The following DNAJC7 variants were observed in gnomAD, a reference collection of about 807,000 sequenced individuals.
DNAJC7 encodes the protein DnaJ heat shock protein family (Hsp40) member C7, also known as dnaJ homolog subfamily C member 7.
A neutral mutation model predicts 67.4 loss-of-function variants in DNAJC7; 18 were observed. The observed-to-expected ratio is 0.27, with a 90% CI of 0.18 to 0.40. The LOEUF is 0.40. Among genes scored for constraint, DNAJC7 ranks in the 10% least tolerant of loss-of-function variants. The pLI is 1.00. For missense variants in DNAJC7, 419 were observed against 613.8 expected, an observed-to-expected ratio of 0.68 and a Z score of 3.35; for synonymous variants, 220 against 207.8, an observed-to-expected ratio of 1.06 and a Z score of -0.50.
Position 41,982,372 on chromosome 17 carries a change from G to A in DNAJC7, c.1114C>T (p.Leu372=), listed in dbSNP as rs200877184. Residue 372 remains leucine (L), a synonymous_variant, in exon 11 of 14, where the codon CTG becomes TTG. Coordinates refer to ENST00000457167, the MANE Select transcript of DNAJC7 (RefSeq NM_003315.4). ...TTCCTCTTACTCTTCTTCAGTTCCA[G>A]CTGCGCATTTTTTAGGAGCTGTTTG... ...EHKQLLKNAQ[L]ELKKSKRKDY... 1.9e-6 allele frequency: 3 copies of A among 1,613,956 alleles called. No homozygotes were observed. Among genetic ancestry groups the A allele is most frequent in the Non-Finnish European group, 2.5e-6 (3 of 1,179,894 alleles).
chr17:42,006,307 C>T (rs2051952811), intron 1 of DNAJC7, among the ~76,000 whole-genome samples: 1 of 151,892 alleles, frequency 6.6e-6, no homozygotes, highest in African/African-American at 2.4e-5. Context: ...GCACACGCCA[C>T]CACGCCTGGC....
chr17:41,999,885 C>T (rs990543479), intron 2 of DNAJC7, among the ~76,000 whole-genome samples: 1 of 148,836 alleles, frequency 6.7e-6, no homozygotes, highest in Admixed American at 6.8e-5. Context: ...GTGGCACAAT[C>T]TTGGCTCACT....
chr17:41,994,865 T>A lies in DNAJC7; in HGVS notation c.480+5A>T. ...AGATGAGATTATCTCATGGTTGTAC[T>A]GTACCTTCCGAAAATCTCGCTTCTC... is the stretch of plus-strand genomic sequence containing the variant. On this transcript the variant is annotated splice_donor_5th_base_variant and intron_variant, in intron 5 of 13. Coordinates refer to ENST00000457167, the MANE Select transcript of DNAJC7 (RefSeq NM_003315.4). 6.2e-7 allele frequency: 1 copy of A among 1,613,734 alleles called. No individual in the cohort carries two copies. Among genetic ancestry groups the A allele is most frequent in the Non-Finnish European group, 8.5e-7 (1 of 1,179,664 alleles).
intron 1 of DNAJC7, among the ~76,000 whole-genome samples, chr17:42,008,080 AG>A (rs2143325019): frequency 6.6e-6 from 1 of 151,980 alleles, no homozygotes; most frequent in South Asian, 2.1e-4. Flanking sequence ...TGGGAGGCCA[AG>A]GAGGGTGGAT....
intron 12 of DNAJC7, among the ~76,000 whole-genome samples, chr17:41,979,256 T>C (rs1196778047): frequency 6.6e-6 from 1 of 150,786 alleles, no homozygotes; most frequent in African/African-American, 2.4e-5. Flanking sequence ...GGAGAATTTC[T>C]TGAACCTGGG....
At chr17:42,010,913 G>C (rs1555650968) in intron 1 of DNAJC7, 1 of 152,116 alleles carries the variant, frequency 6.6e-6, no homozygotes, top group Middle Eastern at 3.2e-3. Flanking sequence ...TCTTACCCAT[G>C]GTGAGGGTAA....
Position 41,990,333 on chromosome 17 carries a change from C to G in DNAJC7, c.530G>C (p.Arg177Pro). The G allele has an allele frequency of 6.2e-7, 1 of 1,611,688 alleles. No homozygotes were observed. The highest frequency in any genetic ancestry group is 1.1e-5 in the South Asian group (1 of 90,390). ...ACATTCTGCCTTGAGGATTTTGAAGCGATGGCAGGCAGGGGCAAATTCTAG... is the reference window on the plus strand; with the variant it reads ...ACATTCTGCCTTGAGGATTTTGAAGGGATGGCAGGCAGGGGCAAATTCTAG... ...RALEFAPACH[R>P]FKILKAECLA... The change falls in exon 6 of 14, where the codon CGC becomes CCC. Residue 177 changes from arginine to proline, a missense_variant. Arg to Pro is a moderately radical substitution (Grantham distance 103). Transcript: ENST00000457167.
At chr17:42,004,922 G>A (rs1477807320) in intron 1 of DNAJC7, among the ~76,000 whole-genome samples, 1 of 152,118 alleles carries the variant, frequency 6.6e-6, no homozygotes, top group African/African-American at 2.4e-5. Context: ...CTACTTGGGA[G>A]GCTAAGATGG....
At chr17:41,993,228 G>A (rs2051554900) in intron 5 of DNAJC7, among the ~76,000 whole-genome samples, 1 of 152,218 alleles carries the variant, frequency 6.6e-6, no homozygotes, top group Non-Finnish European at 1.5e-5. Flanking sequence ...GGGAGGCCAA[G>A]GCGGGAGGAT....
At chr17:41,982,191 A>T (rs2051267635) in intron 11 of DNAJC7, 64 bp downstream of exon 11, 1 of 1,603,374 alleles carries the variant, frequency 6.2e-7, no homozygotes, top group Admixed American at 1.7e-5. Context: ...CTCTGGACTG[A>T]GTGTGGCAGT....
chr17:41,980,050 CTCT>C (rs1462632809), intron 12 of DNAJC7, among the ~76,000 whole-genome samples: 14 of 148,578 alleles, frequency 9.4e-5, no homozygotes, highest in African/African-American at 3.6e-4. Context: ...AGGTCAGGTC[CTCT>C]TTTTTTTTTT....
At chr17:41,989,209 G>A (rs1382552111) in intron 7 of DNAJC7, among the ~76,000 whole-genome samples, 195 bp downstream of exon 7, 1 of 152,182 alleles carries the variant, frequency 6.6e-6, no homozygotes, top group Admixed American at 6.5e-5. Flanking sequence ...AAAGGCATCC[G>A]ACCCTATATG....
chr17:41,994,209 G>A (rs1481288110), intron 5 of DNAJC7, among the ~76,000 whole-genome samples: 1 of 151,838 alleles, frequency 6.6e-6, no homozygotes, highest in Non-Finnish European at 1.5e-5. Flanking sequence ...GGTGGCGCAT[G>A]CCTATAATCC....
At chr17:42,005,099 A>C (rs2051911711) in intron 1 of DNAJC7, among the ~76,000 whole-genome samples, 1 of 152,248 alleles carries the variant, frequency 6.6e-6, no homozygotes, top group African/African-American at 2.4e-5. Flanking sequence ...GTTCGTTAAA[A>C]TCTGTATATC....
chr17:42,012,255 C>T (rs1479254162), intron 1 of DNAJC7, among the ~76,000 whole-genome samples: 8 of 152,148 alleles, frequency 5.3e-5, no homozygotes, highest in African/African-American at 1.4e-4. Context: ...GAGGACAAGG[C>T]GGGCGGATCA....
intron 9 of DNAJC7, among the ~76,000 whole-genome samples, chr17:41,986,879 G>A (rs1445050259): frequency 6.6e-6 from 1 of 152,192 alleles, no homozygotes; most frequent in Non-Finnish European, 1.5e-5. Flanking sequence ...CTGTACCACT[G>A]ATGAGACAAG....
intron 2 of DNAJC7, among the ~76,000 whole-genome samples, chr17:41,997,720 G>T (rs919640142): frequency 6.6e-6 from 1 of 152,128 alleles, no homozygotes. Flanking sequence ...TCACTCTGTT[G>T]CACAGGCTAC....
At chr17:41,989,316 C>T (rs2051455735) in intron 7 of DNAJC7, 88 bp downstream of exon 7, 2 of 1,500,258 alleles carry the variant, frequency 1.3e-6, no homozygotes, top group African/African-American at 2.8e-5. Flanking sequence ...TATCACATTC[C>T]TTGTGATTCT....
chr17:41,982,959 TAA>T (rs1317041576), intron 10 of DNAJC7, among the ~76,000 whole-genome samples: 20 of 130,604 alleles, frequency 1.5e-4, no homozygotes, highest in Admixed American at 2.3e-4. Context: ...GACTCCATCT[TAA>T]AAAAAAAAAA....
Sources: gnomAD v4.1 joint callset for allele counts (sites outside exome capture counted in the v4.1 genomes callset) on GRCh38, gnomAD v4.1.1 for gene constraint, MANE v1.5 for transcripts, NCBI Gene and HGNC (gene_info 2026-07-23, HGNC 2026-07-21) for gene names.